PDE3B: variants seen among roughly 807,000 people sequenced by gnomAD.
PDE3B encodes the protein phosphodiesterase 3B.
In PDE3B, 66 loss-of-function variants were observed where a neutral mutation model predicts 116.8. The ratio of observed to expected loss-of-function variants is 0.56; its 90% CI spans 0.46 to 0.69. The LOEUF (loss-of-function observed/expected upper bound fraction) is 0.69, where lower values mean the gene tolerates loss of function less well. PDE3B is among the 30% of genes least tolerant of loss of function. PDE3B has a pLI of 0.00. For missense variants in PDE3B, 1,384 were observed against 1,368.1 expected, an observed-to-expected ratio of 1.01 and a Z score of -0.18; for synonymous variants, 595 against 533.6, an observed-to-expected ratio of 1.12 and a Z score of -1.59.
chr11:14,678,206 A>G (rs532969403), intron 1 of PDE3B, among the ~76,000 whole-genome samples: 25 of 152,128 alleles, frequency 1.6e-4, no homozygotes, highest in African/African-American at 6.0e-4. Context: ...GATTATAGGC[A>G]TGAGCCACTG....
At chr11:14,729,527 G>C (rs1565111809) in intron 1 of PDE3B, among the ~76,000 whole-genome samples, 1 of 152,010 alleles carries the variant, frequency 6.6e-6, no homozygotes, top group Non-Finnish European at 1.5e-5. Flanking sequence ...TCCCCTCTTG[G>C]TTACAGAAAT....
chr11:14,805,906 G>C (rs1169544781), intron 5 of PDE3B, among the ~76,000 whole-genome samples: 1 of 152,150 alleles, frequency 6.6e-6, no homozygotes, highest in Admixed American at 6.5e-5. Context: ...CATTATCCCT[G>C]GTCATCAGAG....
chr11:14,864,736 A>G (rs1330500211), intron 14 of PDE3B, among the ~76,000 whole-genome samples: 1 of 151,900 alleles, frequency 6.6e-6, no homozygotes. Context: ...AATGACATGG[A>G]AACGGAACAA....
chr11:14,703,558 T>C (rs756581365), intron 1 of PDE3B, among the ~76,000 whole-genome samples: 3 of 151,726 alleles, frequency 2.0e-5, no homozygotes, highest in Non-Finnish European at 4.4e-5. Flanking sequence ...TATTGAGAAA[T>C]TTTTGGTCTA....
intron 1 of PDE3B, among the ~76,000 whole-genome samples, chr11:14,653,457 C>T (rs899392340): frequency 4.6e-5 from 7 of 151,828 alleles, no homozygotes; most frequent in African/African-American, 1.5e-4. Flanking sequence ...CATCCGCCCT[C>T]GGGAGGCTGA....
At chr11:14,749,602 A>G (rs988860429) in intron 1 of PDE3B, among the ~76,000 whole-genome samples, 3 of 151,880 alleles carry the variant, frequency 2.0e-5, no homozygotes, top group African/African-American at 4.8e-5. Flanking sequence ...CTCTCTTACC[A>G]TTCCTGAAGT....
chr11:14,674,534 T>G (rs1374247580), intron 1 of PDE3B: 2 of 480,994 alleles, frequency 4.2e-6, no homozygotes, highest in Non-Finnish European at 8.2e-6. Context: ...AATTTAGGCT[T>G]TGGGTCCTGT....
intron 2 of PDE3B, among the ~76,000 whole-genome samples, chr11:14,781,395 G>T (rs1323940603): frequency 6.6e-6 from 1 of 152,140 alleles, no homozygotes; most frequent in Non-Finnish European, 1.5e-5. Flanking sequence ...GATGAACATC[G>T]ATGCAAAAAT....
At chr11:14,754,833 C>T (rs1429042702) in intron 1 of PDE3B, among the ~76,000 whole-genome samples, 1 of 152,142 alleles carries the variant, frequency 6.6e-6, no homozygotes, top group Admixed American at 6.5e-5. Context: ...TGTGTCTGCT[C>T]AGATTTGAAC....
chr11:14,725,275 T>TTTTC (rs944227921), intron 1 of PDE3B, among the ~76,000 whole-genome samples: 3 of 150,910 alleles, frequency 2.0e-5, no homozygotes, highest in Non-Finnish European at 3.0e-5. Flanking sequence ...TTCTCTTTCT[T>TTTTC]TTTCTTTCTT....
chr11:14,879,005 G>C, the PDE3B span: 2 of 891,380 alleles, frequency 2.2e-6, no homozygotes, highest in South Asian at 3.0e-5. Context: ...TGTGTTTTTA[G>C]AATTGGGATA....
rs1489149712 is a variant in PDE3B, at chr11:14,644,742, C to T, written c.667C>T (p.Leu223=). Residue 223 remains leucine, a synonymous_variant, in exon 1 of 16, where the codon CTG becomes TTG. Coordinates refer to ENST00000282096, the MANE Select transcript of PDE3B (RefSeq NM_000922.4). ...PLRLRHCVLV[L]LLASFVWWVS... is the part of the protein sequence containing the mutation. ...GCGGCTCCGGCACTGCGTTCTGGTGCTGCTCCTGGCCAGCTTCGTCTGGTG... is the reference window on the plus strand; with the variant it reads ...GCGGCTCCGGCACTGCGTTCTGGTGTTGCTCCTGGCCAGCTTCGTCTGGTG... 1 of 1,579,502 alleles carries T rather than the reference C, an allele frequency of 6.3e-7. No individual in the cohort carries two copies. Among genetic ancestry groups the T allele is most frequent in the Non-Finnish European group, 8.6e-7 (1 of 1,164,060 alleles).
the PDE3B span, among the ~76,000 whole-genome samples, chr11:14,884,163 C>A: frequency 6.6e-6 from 1 of 151,758 alleles, no homozygotes; most frequent in South Asian, 2.1e-4. Context: ...CCATTTGACC[C>A]TGCCATCCCA....
intron 1 of PDE3B, chr11:14,700,698 C>T (rs1210299957): frequency 6.6e-6 from 1 of 151,718 alleles, no homozygotes; most frequent in Non-Finnish European, 1.5e-5. Context: ...GAAGCCGTTG[C>T]AAGCAGTATC....
intron 12 of PDE3B, among the ~76,000 whole-genome samples, chr11:14,853,705 T>C (rs546476338): frequency 6.6e-6 from 1 of 152,236 alleles, no homozygotes; most frequent in African/African-American, 2.4e-5. Flanking sequence ...TGGTAAGGAA[T>C]GTGTGCTAGA....
intron 1 of PDE3B, among the ~76,000 whole-genome samples, chr11:14,743,777 C>T (rs868554386): frequency 5.9e-5 from 9 of 152,186 alleles, no homozygotes; most frequent in South Asian, 2.1e-4. Context: ...CCATTCCTCA[C>T]GGCACAGTCC....
At chr11:14,865,280 T>C (rs1555007884) in intron 14 of PDE3B, among the ~76,000 whole-genome samples, 1 of 152,184 alleles carries the variant, frequency 6.6e-6, no homozygotes, top group African/African-American at 2.4e-5. Flanking sequence ...CTTCCTACAA[T>C]GTAGGAGTGC....
chr11:14,858,788 A>C (rs1482425259), intron 12 of PDE3B, among the ~76,000 whole-genome samples: 1 of 152,180 alleles, frequency 6.6e-6, no homozygotes, highest in Admixed American at 6.5e-5. Flanking sequence ...GCAAAGATAA[A>C]CTTTAAAGAT....
At chr11:14,880,855 T>G in the PDE3B span, 1 of 1,275,034 alleles carries the variant, frequency 7.8e-7, no homozygotes, top group Non-Finnish European at 1.1e-6. Flanking sequence ...AATGGATGGT[T>G]AGTCATCCTT....
Sources: allele counts gnomAD v4.1 joint callset (sites outside exome capture counted in the v4.1 genomes callset), GRCh38; gene constraint gnomAD v4.1.1; transcripts MANE v1.5; gene names NCBI Gene and HGNC (gene_info 2026-07-23, HGNC 2026-07-21).